Variants in LURAP1L observed in about 807,000 individuals in gnomAD.
LURAP1L encodes leucine rich adaptor protein 1 like, also known as leucine rich adaptor protein 1-like.
LURAP1L carries 12 observed loss-of-function variants against 13.8 expected under a neutral mutation model. The ratio of observed to expected loss-of-function variants is 0.87; its 90% confidence interval spans 0.56 to 1.41. LURAP1L has a LOEUF of 1.41. Among genes scored for constraint, LURAP1L ranks in the 40% most tolerant of loss-of-function variants. LURAP1L has a pLI of 0.00. For synonymous variants in LURAP1L, 139 were observed against 119.2 expected (o/e 1.17, Z -1.08); for missense variants, 375 against 292.9 (o/e 1.28, Z -2.04).
At chr9:12,814,908 T>C (rs16929594) in intron 1 of LURAP1L, among the ~76,000 whole-genome samples, 3,332 of 152,282 alleles carry the variant, frequency 0.022, 118 homozygotes, top group African/African-American at 0.076. Context: ...GAATCCTCTG[T>C]TGCCCAGTTA....
chr9:12,812,041 A>T (rs773570773), intron 1 of LURAP1L, among the ~76,000 whole-genome samples: 1 of 152,220 alleles, frequency 6.6e-6, no homozygotes, highest in Non-Finnish European at 1.5e-5. Flanking sequence ...AGTTCACAGC[A>T]TTGTAGATGG....
chr9:12,784,869 C>T (rs1819328252), intron 1 of LURAP1L, among the ~76,000 whole-genome samples: 1 of 150,256 alleles, frequency 6.7e-6, no homozygotes, highest in Non-Finnish European at 1.5e-5. Flanking sequence ...CTAGAATCTA[C>T]TTGGTGCTTT....
intron 1 of LURAP1L, chr9:12,777,373 C>G: frequency 1.0e-6 from 1 of 985,158 alleles, no homozygotes; most frequent in South Asian, 4.7e-5. Context: ...CGTGTGGAGA[C>G]TAACAGGTAA....
intron 1 of LURAP1L, among the ~76,000 whole-genome samples, chr9:12,809,866 T>C (rs554330542): frequency 6.6e-6 from 1 of 152,322 alleles, no homozygotes; most frequent in East Asian, 1.9e-4. Context: ...TGGGTTTCCT[T>C]TGGCACTCTT....
At chr9:12,797,729 A>G (rs1403309858) in intron 1 of LURAP1L, among the ~76,000 whole-genome samples, 2 of 152,158 alleles carry the variant, frequency 1.3e-5, no homozygotes, top group Non-Finnish European at 2.9e-5. Context: ...ACTTGCTTTA[A>G]TAGAGAAATA....
intron 1 of LURAP1L, among the ~76,000 whole-genome samples, chr9:12,819,365 G>A (rs1436565136): frequency 6.6e-6 from 1 of 152,166 alleles, no homozygotes; most frequent in East Asian, 1.9e-4. Context: ...ATCTCTTGCA[G>A]TTATTAATGG....
intron 1 of LURAP1L, among the ~76,000 whole-genome samples, chr9:12,819,677 G>A (rs917145495): frequency 1.3e-5 from 2 of 152,120 alleles, no homozygotes; most frequent in African/African-American, 2.4e-5. Flanking sequence ...AGAGAAGGCC[G>A]GACATGGTGA....
At chr9:12,797,501 A>C (rs1336468204) in intron 1 of LURAP1L, among the ~76,000 whole-genome samples, 1 of 152,162 alleles carries the variant, frequency 6.6e-6, no homozygotes, top group Non-Finnish European at 1.5e-5. Context: ...GGTATAGGAT[A>C]GGTATTATAC....
At chr9:12,795,726 G>A (rs955353775) in intron 1 of LURAP1L, among the ~76,000 whole-genome samples, 2 of 152,012 alleles carry the variant, frequency 1.3e-5, no homozygotes, top group Non-Finnish European at 2.9e-5. Flanking sequence ...AATGAAAGTC[G>A]TCTTGTATTT....
chr9:12,810,121 G>C (rs560094873), intron 1 of LURAP1L, among the ~76,000 whole-genome samples: 1 of 152,258 alleles, frequency 6.6e-6, no homozygotes, highest in East Asian at 1.9e-4. Context: ...GATCAGAGAG[G>C]TCTGGATGTA....
Position 12,821,435 on chromosome 9 carries a change from T to A in LURAP1L, c.362T>A (p.Ile121Asn). 1 of 1,614,110 alleles carries A rather than the reference T, an allele frequency of 6.2e-7. No individual in the cohort carries two copies. The highest frequency in any genetic ancestry group is 8.5e-7 in the Non-Finnish European group (1 of 1,180,022). ...AGGCTCATGCGCCAGTTGCTTGTAA[T>A]CAATGAGAGCATCGAGTCCATCAAG... ...DVRLMRQLLV[I>N]NESIESIKWM... is the part of the protein sequence containing the mutation. Residue 121 changes from isoleucine (I) to asparagine (N), a missense_variant, in exon 2 of 2, where the codon ATC becomes AAC. By Grantham distance (149) the Ile-to-Asn change is moderately radical. Transcript: ENST00000319264.
intron 1 of LURAP1L, among the ~76,000 whole-genome samples, chr9:12,776,626 T>A (rs1221277813): frequency 1.3e-5 from 2 of 152,010 alleles, no homozygotes; most frequent in Non-Finnish European, 2.9e-5. Context: ...CTGAAAACAA[T>A]GGCCTACTCG....
intron 1 of LURAP1L, among the ~76,000 whole-genome samples, chr9:12,791,887 G>T (rs1819445900): frequency 6.6e-6 from 1 of 152,070 alleles, no homozygotes; most frequent in Non-Finnish European, 1.5e-5. Flanking sequence ...CACAATTAAT[G>T]ACTTATGTCA....
At chr9:12,792,887 A>G (rs920772083) in intron 1 of LURAP1L, among the ~76,000 whole-genome samples, 33 of 152,194 alleles carry the variant, frequency 2.2e-4, no homozygotes, top group African/African-American at 7.2e-4. Flanking sequence ...TTTGTAATGT[A>G]GTACTAGTTC....
rs1819894249 is a variant in LURAP1L, at chr9:12,822,425, G to C, written c.*665G>C. Among the ~76,000 whole-genome samples the C allele has an allele frequency of 6.6e-6, 1 of 152,114 alleles. No homozygotes were observed. Among genetic ancestry groups the C allele is most frequent in the African/African-American group, 2.4e-5 (1 of 41,412 alleles). On this transcript the variant is annotated 3_prime_UTR_variant, in exon 2 of 2. Transcript: ENST00000319264. ...TCTAACTCAAATCATATGTTTATTT[G>C]TGTAATAAAATGTATTATTCTCCCA...
At chr9:12,819,519 G>A (rs1313386791) in intron 1 of LURAP1L, among the ~76,000 whole-genome samples, 1 of 152,132 alleles carries the variant, frequency 6.6e-6, no homozygotes, top group East Asian at 1.9e-4. Context: ...CTTCCTTACA[G>A]TTTGAGTCAT....
chr9:12,814,381 T>C lies in LURAP1L; in HGVS notation c.313-7005T>C, dbSNP rs1017281170. On this transcript the variant is annotated intron_variant, in intron 1 of 1. Transcript: ENST00000319264. Reference sequence around the variant, plus strand: ...ATGGGGAGTCCATGTTTTCATTAGATCATTCTAAATGAATCTCGGCTCAGG... The same window carrying C: ...ATGGGGAGTCCATGTTTTCATTAGACCATTCTAAATGAATCTCGGCTCAGG... The C allele has an allele frequency of 3.3e-5, 5 of 152,224 alleles. No individual in the cohort carries two copies. In the East Asian group the frequency reaches 9.6e-4, roughly 29 times the overall value. The allele number at this position is 152,224 out of a possible 1,614,324, so 9.4% of individuals were successfully genotyped here.
At chr9:12,812,815 A>G (rs1473360056) in intron 1 of LURAP1L, among the ~76,000 whole-genome samples, 2 of 152,186 alleles carry the variant, frequency 1.3e-5, no homozygotes, top group Non-Finnish European at 2.9e-5. Context: ...AAATATAGCC[A>G]TCAAAAATTA....
At chr9:12,780,958 G>GTTA (rs1023414801) in intron 1 of LURAP1L, among the ~76,000 whole-genome samples, 41 of 151,544 alleles carry the variant, frequency 2.7e-4, no homozygotes, top group Admixed American at 1.8e-3. Context: ...TACTCTTTTA[G>GTTA]TTATTATTAT....
Sources: gnomAD v4.1 joint callset for allele counts (sites outside exome capture counted in the v4.1 genomes callset) on GRCh38, gnomAD v4.1.1 for gene constraint, MANE v1.5 for transcripts, NCBI Gene and HGNC (gene_info 2026-07-23, HGNC 2026-07-21) for gene names.